The following PAPPA variants were observed in gnomAD, a reference collection of about 807,000 sequenced individuals.
PAPPA encodes the protein pappalysin-1.
A neutral mutation model predicts 164.0 loss-of-function variants in PAPPA; 60 were observed. The ratio of observed to expected loss-of-function variants is 0.37; its 90% CI spans 0.30 to 0.45. The LOEUF (loss-of-function observed/expected upper bound fraction) is 0.45. Ranked by LOEUF, PAPPA falls within the 20% of genes least tolerant of loss-of-function variation. The pLI is 1.00. For missense variants in PAPPA, 1,782 were observed against 2,087.3 expected (o/e 0.85, Z 2.85); for synonymous variants, 875 against 814.1 (o/e 1.07, Z -1.27).
At chr9:116,182,758 C>CA (rs1443659075) in intron 1 of PAPPA, among the ~76,000 whole-genome samples, 2 of 152,114 alleles carry the variant, frequency 1.3e-5, no homozygotes, top group Non-Finnish European at 2.9e-5. Flanking sequence ...GCCTATGGAA[C>CA]CCTTTTCACA....
At chr9:116,225,320 A>C (rs1421486303) in intron 5 of PAPPA, among the ~76,000 whole-genome samples, 1 of 152,190 alleles carries the variant, frequency 6.6e-6, no homozygotes, top group Non-Finnish European at 1.5e-5. Flanking sequence ...TCTGCATTTG[A>C]GTATATTTGT....
chr9:116,193,038 G>A (rs1453366258), intron 2 of PAPPA, among the ~76,000 whole-genome samples: 1 of 152,086 alleles, frequency 6.6e-6, no homozygotes, highest in Admixed American at 6.5e-5. Context: ...TGGAAAAAAA[G>A]ACACTTTCCC....
chr9:116,155,245 C>G (rs765311168), intron 1 of PAPPA, among the ~76,000 whole-genome samples: 4 of 152,156 alleles, frequency 2.6e-5, no homozygotes, highest in Non-Finnish European at 4.4e-5. Context: ...GTTCCCCAGA[C>G]GCGGCTGCGA....
intron 19 of PAPPA, among the ~76,000 whole-genome samples, chr9:116,376,904 T>C (rs1846660939): frequency 1.3e-5 from 2 of 152,108 alleles, no homozygotes; most frequent in Non-Finnish European, 1.5e-5. Context: ...TTTCCAGGGA[T>C]TTGAACCATA....
intron 7 of PAPPA, among the ~76,000 whole-genome samples, chr9:116,252,221 G>C (rs565222982): frequency 6.6e-6 from 1 of 152,160 alleles, no homozygotes; most frequent in African/African-American, 2.4e-5. Context: ...TAAGGATGTC[G>C]TTGCCAGTAG....
intron 21 of PAPPA, among the ~76,000 whole-genome samples, chr9:116,388,280 T>C (rs1462005061): frequency 6.6e-6 from 1 of 152,190 alleles, no homozygotes; most frequent in Non-Finnish European, 1.5e-5. Flanking sequence ...ATTATTTTCC[T>C]GTTGGAGCCT....
intron 7 of PAPPA, among the ~76,000 whole-genome samples, chr9:116,247,071 G>A (rs1844805652): frequency 6.6e-6 from 1 of 152,020 alleles, no homozygotes; most frequent in South Asian, 2.1e-4. Flanking sequence ...TTACCTTGGG[G>A]AAGGAGATGA....
chr9:116,218,761 G>T (rs901474305), intron 4 of PAPPA, among the ~76,000 whole-genome samples: 1 of 152,152 alleles, frequency 6.6e-6, no homozygotes, highest in Non-Finnish European at 1.5e-5. Context: ...TTGATCAGAA[G>T]CATGGCCTTG....
At chr9:116,263,796 G>A (rs893689032) in intron 7 of PAPPA, among the ~76,000 whole-genome samples, 5 of 152,162 alleles carry the variant, frequency 3.3e-5, no homozygotes, top group African/African-American at 7.2e-5. Context: ...GAAGAGACGC[G>A]ACGAGAGGAC....
rs770472464 is a variant in PAPPA, at chr9:116,219,932, T to C, written c.1919-5T>C. On this transcript the variant is annotated splice_polypyrimidine_tract_variant and splice_region_variant and intron_variant, in intron 4 of 21. Transcript: ENST00000328252. ...GTGCTTATCTCTCCCTCTGCCTGCT[T>C]GCAGATGACGACTGTACGGACTCCT... 6.2e-7 allele frequency: 1 copy of C among 1,602,324 alleles called. No homozygotes were observed. The highest frequency in any genetic ancestry group is 1.3e-5 in the African/African-American group (1 of 74,872).
intron 1 of PAPPA, among the ~76,000 whole-genome samples, chr9:116,176,477 C>T (rs1843836246): frequency 1.3e-5 from 2 of 152,118 alleles, no homozygotes; most frequent in Non-Finnish European, 2.9e-5. Flanking sequence ...TTTTCATACC[C>T]TTTATGGTGC....
Position 116,302,932 on chromosome 9 carries a change from A to C in PAPPA, c.3129A>C (p.Gly1043=). ...AATGCCCAGGCTGGGTCATCATCGG[A>C]CAGCCAGCAGCATCCCAGGTAAGAT... ...DQQCPGWVII[G]QPAASQVCRT... is the part of the protein sequence containing the mutation. Residue 1043 remains glycine (G), a synonymous_variant, in exon 10 of 22, where the codon GGA becomes GGC. Transcript: ENST00000328252. 1 of 1,613,780 alleles carries C rather than the reference A, an allele frequency of 6.2e-7. No homozygotes were observed. Among genetic ancestry groups the C allele is most frequent in the Non-Finnish European group, 8.5e-7 (1 of 1,179,944 alleles).
In PAPPA at chr9:116,265,912, G is replaced by A. The variant is rs1845062787; in HGVS notation, c.2788G>A (p.Glu930Lys). The A allele has an allele frequency of 6.2e-7, 1 of 1,612,222 alleles. No homozygotes were observed. Among genetic ancestry groups the A allele is most frequent in the Non-Finnish European group, 8.5e-7 (1 of 1,178,312 alleles). Reference protein sequence around the residue: ...QYWVITISGTEESEPSPAVTY... With the variant: ...QYWVITISGTKESEPSPAVTY... ...TTGGGTCATAACTATTTCAGGAACTGAAGAGAGTGAGCCATCACCTGCTGT... is the reference window on the plus strand; with the variant it reads ...TTGGGTCATAACTATTTCAGGAACTAAAGAGAGTGAGCCATCACCTGCTGT... The change falls in exon 8 of 22, where the codon GAA (glutamate) becomes AAA (lysine). Residue 930 changes from glutamate (E) to lysine (K), a missense_variant. Physicochemically the swap from Glu to Lys is moderately conservative, Grantham distance 56. Around this residue, in one of 2 missense-constraint regions of PAPPA, gnomAD observed 1,324 missense variants for 1,656.9 expected, o/e 0.80. Coordinates refer to ENST00000328252, the MANE Select transcript of PAPPA (RefSeq NM_002581.5).
At chr9:116,298,321 C>T (rs1845535818) in intron 9 of PAPPA, among the ~76,000 whole-genome samples, 1 of 152,192 alleles carries the variant, frequency 6.6e-6, no homozygotes, top group South Asian at 2.1e-4. Context: ...CTCATTTCTT[C>T]CAAAAGGAAA....
chr9:116,290,664 TTCTC>T (rs904137498), intron 9 of PAPPA, among the ~76,000 whole-genome samples: 11 of 151,572 alleles, frequency 7.3e-5, no homozygotes, highest in Admixed American at 5.9e-4. Context: ...TCTCTTTTCT[TTCTC>T]TCTCTCTCTT....
chr9:116,199,582 A>G (rs182268727), intron 2 of PAPPA, among the ~76,000 whole-genome samples: 5 of 152,290 alleles, frequency 3.3e-5, no homozygotes, highest in Non-Finnish European at 7.4e-5. Context: ...AGATCATTTT[A>G]TCCTCTTACA....
Position 116,398,316 on chromosome 9 carries a change from T to C in PAPPA, c.*1700T>C. The C allele has an allele frequency of 3.5e-6, 1 of 288,842 alleles. No individual in the cohort carries two copies. The highest frequency in any genetic ancestry group is 3.2e-5 in the South Asian group (1 of 30,836). The allele number at this position is 288,842 out of a possible 1,614,324, so 17.9% of individuals were successfully genotyped here. On this transcript the variant is annotated 3_prime_UTR_variant, in exon 22 of 22. Coordinates refer to ENST00000328252, the MANE Select transcript of PAPPA (RefSeq NM_002581.5). ...ATTGCGGAGAAGGGAAGGTCTAGAC[T>C]AGTTACATCACATAGGGATTACTGT...
At position 116,227,562 on chromosome 9, in the gene PAPPA, C is replaced by G. The variant is rs371957337; in HGVS notation, c.2233+10C>G. On this transcript the variant is annotated intron_variant, in intron 6 of 21. Coordinates refer to ENST00000328252, the MANE Select transcript of PAPPA (RefSeq NM_002581.5). ...CCTCGTGAAGCAGAAGGTAAGCCAG[C>G]CTTCTGGAAGCTCATTGACAGGAGG... 68 of 1,613,508 alleles carry G rather than the reference C, an allele frequency of 4.2e-5. No homozygotes were observed. In the African/African-American group the frequency reaches 6.1e-4, roughly 15 times the overall value.
intron 7 of PAPPA, among the ~76,000 whole-genome samples, chr9:116,265,530 C>T (rs1023385056): frequency 3.3e-5 from 5 of 152,174 alleles, no homozygotes; most frequent in Admixed American, 2.0e-4. Flanking sequence ...TCCTCACAAA[C>T]GTCTTCATTT....
Sources: allele counts gnomAD v4.1 joint callset (sites outside exome capture counted in the v4.1 genomes callset), GRCh38; gene constraint gnomAD v4.1.1; regional missense constraint gnomAD v4.1.1; transcripts MANE v1.5; gene names NCBI Gene and HGNC (gene_info 2026-07-23, HGNC 2026-07-21).